RIMS1: variants seen among roughly 807,000 people sequenced by gnomAD.
The protein encoded by RIMS1 is regulating synaptic membrane exocytosis 1, also known as regulating synaptic membrane exocytosis protein 1.
In RIMS1, 83 loss-of-function variants were observed where a neutral mutation model predicts 214.1. That is an observed-to-expected ratio of 0.39 (90% confidence interval 0.32 to 0.47). The LOEUF (loss-of-function observed/expected upper bound fraction) is 0.47, where lower values mean the gene tolerates loss of function less well. Ranked by LOEUF, RIMS1 falls within the 20% of genes least tolerant of loss-of-function variation. The pLI is 0.99. For synonymous variants in RIMS1, 793 were observed against 786.8 expected, an observed-to-expected ratio of 1.01 and a Z score of -0.13; for missense variants, 2,050 against 2,161.8, an observed-to-expected ratio of 0.95 and a Z score of 1.03.
rs61074986 is a variant in RIMS1, at chr6:72,148,685, A to G, written c.472-30890A>G. The stretch of plus-strand genomic sequence containing the variant: ...GTTGTGCCCCTAGACTTGTGCTGTC[A>G]CTAACCTTTGGGTTTGCGGAGACTT... On this transcript the variant is annotated intron_variant, in intron 4 of 33. Coordinates refer to ENST00000521978, the MANE Select transcript of RIMS1 (RefSeq NM_014989.7). The G allele has an allele frequency of 8.0e-3, 3,597 of 447,006 alleles. 77 individuals carry two copies. The highest frequency in any genetic ancestry group is 0.055 in the African/African-American group (2,688 of 48,490). The allele number at this position is 447,006 out of a possible 1,614,324, so 27.7% of individuals were successfully genotyped here.
intron 1 of RIMS1, among the ~76,000 whole-genome samples, chr6:71,932,817 G>A (rs538269545): frequency 1.3e-5 from 2 of 151,996 alleles, no homozygotes; most frequent in South Asian, 4.2e-4. Context: ...AAGTTAATTT[G>A]AGAAAAGAAA....
intron 29 of RIMS1, among the ~76,000 whole-genome samples, chr6:72,368,002 A>G (rs1171307138): frequency 2.0e-5 from 3 of 152,170 alleles, no homozygotes; most frequent in Non-Finnish European, 4.4e-5. Context: ...ATAAAGGTAT[A>G]AATGTACTTA....
intron 2 of RIMS1, among the ~76,000 whole-genome samples, chr6:72,019,995 C>A (rs2151932622): frequency 6.6e-6 from 1 of 152,268 alleles, no homozygotes; most frequent in East Asian, 1.9e-4. Context: ...AACACCATCC[C>A]AAAGAGCTTA....
chr6:72,212,823 C>G, intron 6 of RIMS1: 1 of 1,059,906 alleles, frequency 9.4e-7, no homozygotes, highest in Non-Finnish European at 1.1e-6. Context: ...TAAATGCTAC[C>G]AGTCCCCACA....
At chr6:72,361,579 G>A (rs2097827420) in intron 29 of RIMS1, among the ~76,000 whole-genome samples, 1 of 152,124 alleles carries the variant, frequency 6.6e-6, no homozygotes, top group African/African-American at 2.4e-5. Flanking sequence ...AAAAGTAAGT[G>A]TGTTTTTTGC....
chr6:71,997,467 A>C (rs1272240233), intron 2 of RIMS1, among the ~76,000 whole-genome samples: 1 of 152,186 alleles, frequency 6.6e-6, no homozygotes, highest in African/African-American at 2.4e-5. Flanking sequence ...ATGTGCTTTA[A>C]ATTGCTGTCC....
chr6:72,042,823 G>A (rs1463061599), intron 2 of RIMS1, among the ~76,000 whole-genome samples: 2 of 151,626 alleles, frequency 1.3e-5, no homozygotes, highest in African/African-American at 4.8e-5. Flanking sequence ...TTAAAAATGG[G>A]TCCCCAGATT....
intron 2 of RIMS1, among the ~76,000 whole-genome samples, chr6:72,071,077 T>C (rs1338982323): frequency 6.6e-6 from 1 of 152,148 alleles, no homozygotes. Context: ...GAACAGAATA[T>C]ACATTACACT....
chr6:72,207,102 A>G (rs966168940), intron 6 of RIMS1, among the ~76,000 whole-genome samples: 10 of 152,222 alleles, frequency 6.6e-5, no homozygotes, highest in Non-Finnish European at 1.3e-4. Flanking sequence ...CCTATAGGCA[A>G]GGTATAACCC....
chr6:72,270,653 C>G (rs1256078353), intron 22 of RIMS1, among the ~76,000 whole-genome samples: 2 of 152,120 alleles, frequency 1.3e-5, no homozygotes, highest in African/African-American at 2.4e-5. Flanking sequence ...CAGAATCAGC[C>G]AGATTCACTG....
chr6:72,113,520 C>T (rs890795415), intron 4 of RIMS1, among the ~76,000 whole-genome samples: 6 of 152,050 alleles, frequency 3.9e-5, no homozygotes, highest in Non-Finnish European at 8.8e-5. Context: ...AATAGTAGCC[C>T]TCTGCCAATT....
At chr6:72,131,849 C>T (rs1429431640) in intron 4 of RIMS1, among the ~76,000 whole-genome samples, 1 of 152,088 alleles carries the variant, frequency 6.6e-6, no homozygotes, top group East Asian at 1.9e-4. Flanking sequence ...CCCAAGGGGG[C>T]CGTGTATAGA....
chr6:72,383,995 G>A (rs1033718216), intron 29 of RIMS1, among the ~76,000 whole-genome samples: 4 of 152,124 alleles, frequency 2.6e-5, no homozygotes, highest in Admixed American at 2.6e-4. Flanking sequence ...TTAATCAGGT[G>A]ATACTCTTTT....
At chr6:71,970,175 T>C (rs1795502587) in intron 2 of RIMS1, among the ~76,000 whole-genome samples, 1 of 152,196 alleles carries the variant, frequency 6.6e-6, no homozygotes, top group Admixed American at 6.5e-5. Flanking sequence ...GAAATAAAAA[T>C]AGTTTTGAAT....
In RIMS1 at chr6:71,896,064, T is replaced by G. The variant is rs1771660228; in HGVS notation, c.164+8877T>G. ...TAACCCCTTTGTTTCTGGGAAAAAA[T>G]GAAGACATTTTACATCCTAGTATCT... On this transcript the variant is annotated intron_variant, in intron 1 of 33. Coordinates refer to ENST00000521978, the MANE Select transcript of RIMS1 (RefSeq NM_014989.7). Among the ~76,000 whole-genome samples the G allele has an allele frequency of 2.0e-5, 3 of 152,098 alleles. No individual in the cohort carries two copies. In the South Asian group the frequency reaches 6.2e-4, roughly 32 times the overall value.
intron 6 of RIMS1, among the ~76,000 whole-genome samples, chr6:72,212,598 G>A (rs1282317481): frequency 6.6e-6 from 1 of 151,952 alleles, no homozygotes; most frequent in Admixed American, 6.6e-5. Flanking sequence ...TCATTCTATG[G>A]GCCAATGGCC....
At chr6:72,294,022 A>G (rs1407471309) in intron 26 of RIMS1, among the ~76,000 whole-genome samples, 1 of 151,584 alleles carries the variant, frequency 6.6e-6, no homozygotes, top group Non-Finnish European at 1.5e-5. Context: ...ACAAGCATGT[A>G]TTTTATATAT....
intron 4 of RIMS1, among the ~76,000 whole-genome samples, chr6:72,167,590 C>A (rs1436888072): frequency 6.6e-6 from 1 of 152,056 alleles, no homozygotes; most frequent in African/African-American, 2.4e-5. Flanking sequence ...TAAAAATTGG[C>A]TTTCAATTAT....
chr6:71,949,500 G>T (rs982068260), intron 1 of RIMS1, among the ~76,000 whole-genome samples: 1 of 152,114 alleles, frequency 6.6e-6, no homozygotes, highest in Non-Finnish European at 1.5e-5. Context: ...TTTCAAATTT[G>T]TCACTTGTTT....
Sources: gnomAD v4.1 joint callset for allele counts (sites outside exome capture counted in the v4.1 genomes callset) on GRCh38, gnomAD v4.1.1 for gene constraint, MANE v1.5 for transcripts, NCBI Gene and HGNC (gene_info 2026-07-23, HGNC 2026-07-21) for gene names.